Variants in KRIT1 observed in about 807,000 individuals in gnomAD.
KRIT1 encodes krev interaction trapped protein 1.
A neutral mutation model predicts 95.8 loss-of-function variants in KRIT1; 45 were observed. That is an observed-to-expected ratio of 0.47 (90% CI 0.37 to 0.60). KRIT1 has a LOEUF of 0.60. Ranked by LOEUF, KRIT1 falls within the 20% of genes least tolerant of loss-of-function variation. The pLI, the probability that KRIT1 is intolerant of heterozygous loss-of-function variation, is 0.00. For synonymous variants in KRIT1, 282 were observed against 278.8 expected, an observed-to-expected ratio of 1.01 and a Z score of -0.11; for missense variants, 788 against 877.5, an observed-to-expected ratio of 0.90 and a Z score of 1.29.
intron 16 of KRIT1, 42 bp from the exon 17 acceptor site, chr7:92,213,443 A>G (rs1235845846): frequency 7.5e-7 from 1 of 1,324,516 alleles, no homozygotes; most frequent in African/African-American, 1.5e-5. Context: ...AGAGATATGA[A>G]AGGAAAATGT....
At chr7:92,205,436 A>G (rs990254651) in intron 17 of KRIT1, among the ~76,000 whole-genome samples, 11 of 152,190 alleles carry the variant, frequency 7.2e-5, no homozygotes, top group African/African-American at 2.4e-4. Flanking sequence ...GCCTTTTAAA[A>G]ATGCATAAGC....
rs144065591 is a variant in KRIT1, at chr7:92,241,456, A to C, written c.103-304T>G. On this transcript the variant is annotated intron_variant, in intron 4 of 18. Transcript: ENST00000394505. Reference sequence around the variant, plus strand: ...TTTAACAGGTTTCAGACAACCTTAAAAAAGCAGTTTAAAGGAAATGCTAGA... The same window carrying C: ...TTTAACAGGTTTCAGACAACCTTAACAAAGCAGTTTAAAGGAAATGCTAGA... Among the ~76,000 whole-genome samples the C allele has an allele frequency of 1.3e-4, 20 of 152,316 alleles. No homozygotes were observed. The East Asian group carries it at 2.7e-3, about 21-fold the overall frequency.
chr7:92,236,196 C>T, intron 7 of KRIT1: 1 of 440,466 alleles, frequency 2.3e-6, no homozygotes, highest in Non-Finnish European at 4.1e-6. Flanking sequence ...CAGTGTTTAC[C>T]ATTTCTGAAA....
chr7:92,213,970 A>T lies in KRIT1; in HGVS notation c.1740T>A (p.Asn580Lys). 1.2e-6 allele frequency: 2 copies of T among 1,602,902 alleles called. No individual in the cohort carries two copies. Among genetic ancestry groups the T allele is most frequent in the Non-Finnish European group, 1.7e-6 (2 of 1,170,014 alleles). ...TGGTAACAGGTACGATGGATTTTAG[A>T]TTTTCTTCACTGTAAGCACACATGC... is the stretch of plus-strand genomic sequence containing the variant. ...KHKQGFLNEE[N>K]LKSIVPVTKL... Residue 580 changes from asparagine to lysine, a missense_variant, in exon 16 of 19, where the codon AAT becomes AAA. By Grantham distance (94) the Asn-to-Lys change is moderately conservative (BLOSUM62 0). Around this residue, in one of 3 missense-constraint regions of KRIT1, gnomAD observed 493 missense variants for 582.3 expected, o/e 0.85. Coordinates refer to ENST00000394505, the MANE Select transcript of KRIT1 (RefSeq NM_194454.3).
At chr7:92,225,868 A>G (rs1463185779) in intron 11 of KRIT1, 41 bp from the exon 12 acceptor site, 1 of 1,008,302 alleles carries the variant, frequency 9.9e-7, no homozygotes, top group East Asian at 2.4e-5. Context: ...GGCATTACAT[A>G]TTATGGTATT....
intron 17 of KRIT1, among the ~76,000 whole-genome samples, chr7:92,209,346 G>A (rs1167118811): frequency 6.6e-6 from 1 of 152,130 alleles, no homozygotes; most frequent in Admixed American, 6.5e-5. Flanking sequence ...GGAAGTACTG[G>A]AAGTCCTAGA....
intron 3 of KRIT1, among the ~76,000 whole-genome samples, chr7:92,242,810 C>A (rs1330247586): frequency 2.6e-5 from 4 of 152,064 alleles, no homozygotes; most frequent in Non-Finnish European, 2.9e-5. Flanking sequence ...CCTTGATAAT[C>A]CAAATTTTTG....
chr7:92,236,367 A>T (rs753064981), intron 7 of KRIT1, 46 bp downstream of exon 7: 2 of 1,293,630 alleles, frequency 1.5e-6, no homozygotes, highest in Non-Finnish European at 2.2e-6. Flanking sequence ...TCTACTATAA[A>T]CATGTATTTG....
chr7:92,235,026 G>T, intron 8 of KRIT1, 103 bp from the exon 9 acceptor site: 1 of 695,124 alleles, frequency 1.4e-6, no homozygotes, highest in South Asian at 1.6e-5. Flanking sequence ...TTGAGAATGA[G>T]TCTTGCTCTG....
chr7:92,234,511 A>C lies in KRIT1; in HGVS notation c.927T>G (p.Ser309Arg), dbSNP rs1405309960. 4 of 1,611,484 alleles carry C rather than the reference A, an allele frequency of 2.5e-6. No individual in the cohort carries two copies. Among genetic ancestry groups the C allele is most frequent in the Non-Finnish European group, 3.4e-6 (4 of 1,177,524 alleles). Residue 309 changes from serine (S) to arginine (R), a missense_variant, in exon 10 of 19, where the codon AGT (serine) becomes AGG (arginine). This residue lies in a region of KRIT1 where 493 missense variants were observed against 582.3 expected (regional missense o/e 0.85). Transcript: ENST00000394505. Reference protein sequence around the residue: ...GDSELLSRLLSERFSVNQLDS... With the variant: ...GDSELLSRLLRERFSVNQLDS... ...CTAACTGGTTGACTGAAAATCTTTC[A>C]CTGAGAAGACGGCTTAGTAATTCTG...
intron 14 of KRIT1, among the ~76,000 whole-genome samples, chr7:92,217,993 A>G (rs1309118239): frequency 6.6e-6 from 1 of 152,152 alleles, no homozygotes; most frequent in African/African-American, 2.4e-5. Context: ...CATTTCCCTA[A>G]TAACTAATGA....
rs572764534 is a variant in KRIT1 at position 92,227,780 on chromosome 7, G to A, written c.990-1098C>T. Among the ~76,000 whole-genome samples, 14 of 152,092 alleles carry A rather than the reference G, an allele frequency of 9.2e-5. No homozygotes were observed. In the South Asian group the frequency reaches 1.9e-3, roughly 20 times the overall value. ...TATAATCCCAACACTTTGGGAGGCCGAGGTGGGTGGATCACAAGGTCAGGA... is the reference window on the plus strand; with the variant it reads ...TATAATCCCAACACTTTGGGAGGCCAAGGTGGGTGGATCACAAGGTCAGGA... On this transcript the variant is annotated intron_variant, in intron 10 of 18. Transcript: ENST00000394505.
chr7:92,236,902 C>T (rs367931303), intron 6 of KRIT1, among the ~76,000 whole-genome samples: 6 of 152,138 alleles, frequency 3.9e-5, no homozygotes, highest in African/African-American at 1.4e-4. Context: ...AAATACATGT[C>T]AGCACTGTGT....
In KRIT1 at chr7:92,203,633, AG is replaced by A. The variant is rs1004577448; in HGVS notation, c.2026-2211del. Among the ~76,000 whole-genome samples, 363 of 152,346 alleles carry A rather than the reference AG, an allele frequency of 2.4e-3. 1 individual carries two copies. Among genetic ancestry groups the A allele is most frequent in the African/African-American group, 8.2e-3 (340 of 41,576 alleles). On this transcript the variant is annotated intron_variant, in intron 17 of 18. Coordinates refer to ENST00000394505, the MANE Select transcript of KRIT1 (RefSeq NM_194454.3). ...TACATAATATGAAATGTTATATTTA[AG>A]TGTTAAATAATATCACTAAACCTTC...
chr7:92,227,321 T>C (rs964843374), intron 10 of KRIT1, among the ~76,000 whole-genome samples: 1 of 152,070 alleles, frequency 6.6e-6, no homozygotes, highest in Non-Finnish European at 1.5e-5. Flanking sequence ...TCCCAGCACT[T>C]TGGGAGGCAG....
rs1290229108 is a variant in KRIT1, at chr7:92,199,809, A to C, written c.*927T>G. The C allele has an allele frequency of 1.3e-5, 2 of 152,210 alleles. No individual in the cohort carries two copies. Among genetic ancestry groups the C allele is most frequent in the African/African-American group, 4.8e-5 (2 of 41,454 alleles). 9.4% of individuals were successfully genotyped at this position (152,210 alleles called of 1,614,324 possible). A position where few individuals can be genotyped will look rare whatever the true frequency, so the allele number is the denominator to read the frequency against. ...GTTCACAAGGCCATGCTACTTCCAGAGAGTGAATGCCCTTGTTTAGAATGG... is the reference window on the plus strand; with the variant it reads ...GTTCACAAGGCCATGCTACTTCCAGCGAGTGAATGCCCTTGTTTAGAATGG... On this transcript the variant is annotated 3_prime_UTR_variant, in exon 19 of 19. Coordinates refer to ENST00000394505, the MANE Select transcript of KRIT1 (RefSeq NM_194454.3).
intron 10 of KRIT1, among the ~76,000 whole-genome samples, chr7:92,230,623 G>A (rs1010456934): frequency 6.6e-6 from 1 of 152,118 alleles, no homozygotes; most frequent in African/African-American, 2.4e-5. Flanking sequence ...GTAGGTTCAG[G>A]TGAAAGCAAC....
In KRIT1 at chr7:92,225,547, C is replaced by A. The variant is rs1185431263; in HGVS notation, c.1254+173G>T. ...TGACCTTGTGATCTGCCTGCCTCAGCCTCCCAAAGTTCTGGGATTACAGGT... is the reference window on the plus strand; with the variant it reads ...TGACCTTGTGATCTGCCTGCCTCAGACTCCCAAAGTTCTGGGATTACAGGT... On this transcript the variant is annotated intron_variant, in intron 12 of 18. Coordinates refer to ENST00000394505, the MANE Select transcript of KRIT1 (RefSeq NM_194454.3). Among the ~76,000 whole-genome samples the A allele has an allele frequency of 4.6e-5, 7 of 152,126 alleles. No individual in the cohort carries two copies. The East Asian group carries it at 1.4e-3, about 29-fold the overall frequency.
chr7:92,224,412 C>T (rs931006472), intron 12 of KRIT1, among the ~76,000 whole-genome samples: 1 of 151,860 alleles, frequency 6.6e-6, no homozygotes, highest in African/African-American at 2.4e-5. Flanking sequence ...CAGTGCATCA[C>T]GATTGTCTGT....
Sources: allele counts gnomAD v4.1 joint callset (sites outside exome capture counted in the v4.1 genomes callset), GRCh38; gene constraint gnomAD v4.1.1; regional missense constraint gnomAD v4.1.1; transcripts MANE v1.5; gene names NCBI Gene and HGNC (gene_info 2026-07-23, HGNC 2026-07-21).